Variants in ANKS1B observed in about 807,000 individuals in gnomAD.
ANKS1B encodes the protein ankyrin repeat and sterile alpha motif domain-containing protein 1B.
A neutral mutation model predicts 148.3 loss-of-function variants in ANKS1B; 36 were observed. The observed-to-expected ratio is 0.24, with a 90% CI of 0.19 to 0.32. The LOEUF is 0.32. ANKS1B is among the 10% of genes least tolerant of loss of function. The pLI, the probability that ANKS1B is intolerant of heterozygous loss-of-function variation, is 1.00. For synonymous variants in ANKS1B, 542 were observed against 560.8 expected (o/e 0.97, Z 0.47); for missense variants, 1,157 against 1,542.6 (o/e 0.75, Z 4.19).
At chr12:99,499,859 G>A (rs749783397) in intron 10 of ANKS1B, among the ~76,000 whole-genome samples, 1 of 152,080 alleles carries the variant, frequency 6.6e-6, no homozygotes, top group Non-Finnish European at 1.5e-5. Flanking sequence ...AACCAGAAGA[G>A]ATTTTGATAG....
intron 8 of ANKS1B, among the ~76,000 whole-genome samples, chr12:99,655,513 T>C (rs538095742): frequency 2.8e-4 from 42 of 152,290 alleles, no homozygotes; most frequent in Middle Eastern, 3.4e-3. Context: ...AAAAATCTTA[T>C]GGTTTATCAA....
chr12:98,752,217 C>A (rs964270783), intron 25 of ANKS1B, among the ~76,000 whole-genome samples: 3 of 151,972 alleles, frequency 2.0e-5, no homozygotes, highest in African/African-American at 7.3e-5. Flanking sequence ...ACCTTGGGCA[C>A]ATGGTCTCAG....
At chr12:99,530,378 G>A (rs1037025950) in intron 9 of ANKS1B, among the ~76,000 whole-genome samples, 7 of 152,280 alleles carry the variant, frequency 4.6e-5, no homozygotes, top group African/African-American at 1.7e-4. Context: ...ATCACAAAGA[G>A]AATAAGTGAC....
chr12:98,924,469 T>C (rs1567812108), intron 17 of ANKS1B, among the ~76,000 whole-genome samples: 2 of 152,202 alleles, frequency 1.3e-5, no homozygotes, highest in East Asian at 3.8e-4. Flanking sequence ...ATTCTAACTC[T>C]AAGTGTCCTT....
At chr12:99,527,844 CATA>C (rs1219632341) in intron 9 of ANKS1B, among the ~76,000 whole-genome samples, 3 of 148,366 alleles carry the variant, frequency 2.0e-5, no homozygotes. Flanking sequence ...ACATTCTTAA[CATA>C]ATGAGAAAAA....
intron 9 of ANKS1B, chr12:99,648,626 A>C: frequency 1.2e-6 from 2 of 1,614,250 alleles, no homozygotes; most frequent in Non-Finnish European, 1.7e-6. Context: ...TTTTATCTTC[A>C]GCTGTGTCCT....
At chr12:99,134,717 A>G (rs1319465071) in intron 15 of ANKS1B, among the ~76,000 whole-genome samples, 1 of 147,724 alleles carries the variant, frequency 6.8e-6, no homozygotes, top group Non-Finnish European at 1.5e-5. Context: ...TTTACCCTCC[A>G]TTCTCAGGTC....
chr12:99,516,504 C>T (rs2153045185), intron 9 of ANKS1B, among the ~76,000 whole-genome samples: 1 of 152,152 alleles, frequency 6.6e-6, no homozygotes, highest in South Asian at 2.1e-4. Context: ...AAACCAAACA[C>T]CTCATGTTGT....
intron 14 of ANKS1B, among the ~76,000 whole-genome samples, chr12:99,207,949 A>G (rs2082883447): frequency 6.6e-6 from 1 of 152,112 alleles, no homozygotes; most frequent in Admixed American, 6.5e-5. Flanking sequence ...AAAATGAGAA[A>G]AAATGTTATC....
chr12:98,929,041 TAC>T (rs146522154), intron 17 of ANKS1B, among the ~76,000 whole-genome samples: 13,908 of 144,340 alleles, frequency 0.096, 793 homozygotes, highest in African/African-American at 0.17. Context: ...AAAACCCTAA[TAC>T]ACACACACAC....
At chr12:99,295,783 C>T (rs2080789555) in intron 12 of ANKS1B, among the ~76,000 whole-genome samples, 1 of 152,138 alleles carries the variant, frequency 6.6e-6, no homozygotes, top group South Asian at 2.1e-4. Flanking sequence ...CAAAAGGCCC[C>T]AGTGTGTACT....
At chr12:99,794,488 C>CACACACACACACAT (rs1484880641) in intron 4 of ANKS1B, among the ~76,000 whole-genome samples, 3 of 151,572 alleles carry the variant, frequency 2.0e-5, no homozygotes, top group Non-Finnish European at 4.4e-5. Context: ...CACACACACA[C>CACACACACACACAT]ACATTTTCTT....
chr12:99,846,309 G>A (rs1047744717), intron 1 of ANKS1B, among the ~76,000 whole-genome samples: 1 of 151,620 alleles, frequency 6.6e-6, no homozygotes, highest in African/African-American at 2.4e-5. Flanking sequence ...TCTTGATCAA[G>A]CGTTCTTCAT....
At chr12:99,354,205 A>T (rs1432463136) in intron 12 of ANKS1B, among the ~76,000 whole-genome samples, 1 of 152,064 alleles carries the variant, frequency 6.6e-6, no homozygotes, top group East Asian at 1.9e-4. Context: ...CTGGGGTCTG[A>T]AATGAACCAA....
chr12:99,332,699 A>AAG (rs1555391008), intron 12 of ANKS1B, among the ~76,000 whole-genome samples: 83 of 151,144 alleles, frequency 5.5e-4, no homozygotes, highest in African/African-American at 1.9e-3. Context: ...CAAAAAAAAA[A>AAG]AAGCTTTTTT....
At chr12:98,960,408 C>T (rs185560394) in intron 17 of ANKS1B, among the ~76,000 whole-genome samples, 9 of 152,120 alleles carry the variant, frequency 5.9e-5, no homozygotes, top group South Asian at 2.1e-4. Context: ...TCTAAGAGAC[C>T]GCAAGAGTCA....
At chr12:99,330,687 T>C (rs556971532) in intron 12 of ANKS1B, among the ~76,000 whole-genome samples, 2 of 152,046 alleles carry the variant, frequency 1.3e-5, no homozygotes, top group South Asian at 2.1e-4. Flanking sequence ...AATAAATGCA[T>C]AATTAGATGT....
intron 1 of ANKS1B, among the ~76,000 whole-genome samples, chr12:99,912,354 A>ATT (rs34445475): frequency 1.4e-5 from 2 of 145,732 alleles, no homozygotes. Flanking sequence ...TTCCCAATCA[A>ATT]TTTTTTTTTT....
chr12:99,572,289 A>C (rs1174911218), intron 9 of ANKS1B, among the ~76,000 whole-genome samples: 1 of 152,158 alleles, frequency 6.6e-6, no homozygotes, highest in East Asian at 1.9e-4. Context: ...AAAAAATTTA[A>C]AATTTTTTTC....
Sources: gnomAD v4.1 joint callset for allele counts (sites outside exome capture counted in the v4.1 genomes callset) on GRCh38, gnomAD v4.1.1 for gene constraint, MANE v1.5 for transcripts, NCBI Gene and HGNC (gene_info 2026-07-23, HGNC 2026-07-21) for gene names.